FIGN: variants seen among roughly 807,000 people sequenced by gnomAD.
FIGN encodes the protein fidgetin, microtubule severing factor.
A neutral mutation model predicts 51.3 loss-of-function variants in FIGN; 11 were observed. The ratio of observed to expected loss-of-function variants is 0.21; its 90% CI spans 0.13 to 0.35. The LOEUF is 0.35. Among genes scored for constraint, FIGN ranks in the 10% least tolerant of loss-of-function variants. The probability of loss-of-function intolerance (pLI) is 1.00; values close to 1 mark genes in which losing one functional copy is unlikely to be tolerated. For synonymous variants in FIGN, 407 were observed against 363.2 expected (o/e 1.12, Z -1.37); for missense variants, 857 against 943.6 (o/e 0.91, Z 1.20).
At position 163,611,739 on chromosome 2, in the gene FIGN, G is replaced by A; in HGVS notation, c.93C>T (p.Thr31=). The A allele has an allele frequency of 6.2e-7, 1 of 1,614,138 alleles. No homozygotes were observed. Among genetic ancestry groups the A allele is most frequent in the Non-Finnish European group, 8.5e-7 (1 of 1,179,982 alleles). ...CAACTTTGTGGGCAGGAGACCGAGT[G>A]GTTGAGGTGATGTCAAAGTGCTGTT... The part of the protein sequence containing the change: ...WPEQHFDITS[T]TRSPAHKVEA... The change falls in exon 3 of 3, where the codon ACC becomes ACT. Residue 31 remains threonine, a synonymous_variant. Coordinates refer to ENST00000333129, the MANE Select transcript of FIGN (RefSeq NM_018086.4).
In FIGN at chr2:163,610,116, A is replaced by G. The variant is rs1331377424; in HGVS notation, c.1716T>C (p.Leu572=). 2 of 1,614,084 alleles carry G rather than the reference A, an allele frequency of 1.2e-6. No individual in the cohort carries two copies. The highest frequency in any genetic ancestry group is 1.7e-6 in the Non-Finnish European group (2 of 1,179,958). ...CCGAGGGCTGGCGACACCTGGCCAC[A>G]AGAAAAGAGGCATGGATAATTTTCT... The part of the protein sequence containing the change: ...EAEKIIHASF[L]VARCRQPSVI... The change falls in exon 3 of 3, where the codon CTT becomes CTC. Residue 572 remains leucine (L), a synonymous_variant. Coordinates refer to ENST00000333129, the MANE Select transcript of FIGN (RefSeq NM_018086.4).
chr2:163,612,603 A>G, intron 2 of FIGN: 1 of 984,198 alleles, frequency 1.0e-6, no homozygotes, highest in Non-Finnish European at 1.2e-6. Context: ...AAAAACAAGC[A>G]TCACTTGTCT....
chr2:163,641,493 A>G (rs1341816068), intron 2 of FIGN, among the ~76,000 whole-genome samples: 1 of 152,254 alleles, frequency 6.6e-6, no homozygotes, highest in Non-Finnish European at 1.5e-5. Context: ...CAGAGTTCTT[A>G]CAGATCAGGA....
intron 2 of FIGN, among the ~76,000 whole-genome samples, chr2:163,663,190 G>A (rs1233074797): frequency 1.3e-5 from 2 of 151,608 alleles, no homozygotes; most frequent in African/African-American, 4.8e-5. Flanking sequence ...CAAAGTGCTG[G>A]GATTACAGGC....
At chr2:163,720,797 C>T (rs1054413739) in intron 2 of FIGN, among the ~76,000 whole-genome samples, 6 of 152,168 alleles carry the variant, frequency 3.9e-5, no homozygotes, top group Admixed American at 1.3e-4. Context: ...CACACACACA[C>T]GTGTGCACGC....
chr2:163,634,606 C>T (rs1328430314), intron 2 of FIGN, among the ~76,000 whole-genome samples: 1 of 152,134 alleles, frequency 6.6e-6, no homozygotes, highest in Non-Finnish European at 1.5e-5. Context: ...GTGTGTCTAC[C>T]AAAATCTATG....
At chr2:163,711,237 A>T (rs1223785584) in intron 2 of FIGN, among the ~76,000 whole-genome samples, 3 of 152,184 alleles carry the variant, frequency 2.0e-5, no homozygotes, top group African/African-American at 7.2e-5. Flanking sequence ...CAAAGTACAA[A>T]ATCAATACCA....
chr2:163,670,646 G>A (rs950498666), intron 2 of FIGN, among the ~76,000 whole-genome samples: 4 of 152,094 alleles, frequency 2.6e-5, no homozygotes, highest in East Asian at 1.9e-4. Context: ...TGTCTTGGTC[G>A]ATGTATATAT....
chr2:163,676,046 T>C (rs1013001020), intron 2 of FIGN, among the ~76,000 whole-genome samples: 1 of 151,650 alleles, frequency 6.6e-6, no homozygotes, highest in African/African-American at 2.4e-5. Context: ...GTCAATTTAT[T>C]TTTAATTATT....
intron 2 of FIGN, among the ~76,000 whole-genome samples, chr2:163,722,977 G>C (rs996047781): frequency 6.6e-6 from 1 of 151,718 alleles, no homozygotes; most frequent in Non-Finnish European, 1.5e-5. Context: ...ATGAGGTCAG[G>C]AGATCGAGAC....
At chr2:163,730,196 C>T (rs1295528724) in intron 2 of FIGN, among the ~76,000 whole-genome samples, 1 of 152,144 alleles carries the variant, frequency 6.6e-6, no homozygotes, top group Admixed American at 6.6e-5. Flanking sequence ...ACTCCTTATT[C>T]CTGCTATTTT....
At chr2:163,695,880 G>A (rs1369401301) in intron 2 of FIGN, among the ~76,000 whole-genome samples, 2 of 152,142 alleles carry the variant, frequency 1.3e-5, no homozygotes, top group African/African-American at 4.8e-5. Flanking sequence ...GGCCAAGGTG[G>A]GTGGATCACT....
At chr2:163,683,656 C>A (rs572796679) in intron 2 of FIGN, among the ~76,000 whole-genome samples, 1 of 152,208 alleles carries the variant, frequency 6.6e-6, no homozygotes, top group African/African-American at 2.4e-5. Flanking sequence ...GCCTGGGGAG[C>A]TTTAAAAAAT....
chr2:163,639,285 A>C (rs1683271882), intron 2 of FIGN, among the ~76,000 whole-genome samples: 1 of 152,174 alleles, frequency 6.6e-6, no homozygotes. Flanking sequence ...AAAACACAGC[A>C]CATTTATTTA....
intron 2 of FIGN, among the ~76,000 whole-genome samples, chr2:163,717,057 AC>A (rs1684678186): frequency 1.3e-5 from 2 of 152,166 alleles, no homozygotes; most frequent in South Asian, 4.1e-4. Context: ...TAATGTAGCT[AC>A]CCTTGGAGTG....
At chr2:163,637,303 T>C (rs1683241315) in intron 2 of FIGN, among the ~76,000 whole-genome samples, 1 of 152,230 alleles carries the variant, frequency 6.6e-6, no homozygotes, top group Non-Finnish European at 1.5e-5. Context: ...AATATTCATC[T>C]CCTAAAGAGT....
chr2:163,637,723 TA>T (rs1683248308), intron 2 of FIGN, among the ~76,000 whole-genome samples: 1 of 152,084 alleles, frequency 6.6e-6, no homozygotes. Flanking sequence ...CACATGCACA[TA>T]AGGCTTTAAA....
chr2:163,673,650 G>T (rs1306800954), intron 2 of FIGN, among the ~76,000 whole-genome samples: 1 of 152,082 alleles, frequency 6.6e-6, no homozygotes, highest in Non-Finnish European at 1.5e-5. Flanking sequence ...GAAGAAAACG[G>T]AAGCTCAGAT....
At chr2:163,667,163 C>T (rs760893288) in intron 2 of FIGN, among the ~76,000 whole-genome samples, 5 of 152,020 alleles carry the variant, frequency 3.3e-5, no homozygotes, top group Admixed American at 6.6e-5. Context: ...TCTGCATTCA[C>T]ACAGACTCAC....
Sources: allele counts gnomAD v4.1 joint callset (sites outside exome capture counted in the v4.1 genomes callset), GRCh38; gene constraint gnomAD v4.1.1; transcripts MANE v1.5; gene names NCBI Gene and HGNC (gene_info 2026-07-23, HGNC 2026-07-21).